Variants in RBBP8 observed in about 807,000 individuals in gnomAD.
RBBP8 encodes the protein DNA endonuclease RBBP8.
Under a neutral mutation model 108.3 loss-of-function variants are expected in RBBP8, and 88 were observed. The ratio of observed to expected loss-of-function variants is 0.81; its 90% CI spans 0.68 to 0.97. The LOEUF (loss-of-function observed/expected upper bound fraction) is 0.97, where lower values mean the gene tolerates loss of function less well. Among genes scored for constraint, RBBP8 ranks in the 50% least tolerant of loss-of-function variants. The probability of loss-of-function intolerance (pLI) is 0.00; values close to 1 mark genes in which losing one functional copy is unlikely to be tolerated. For synonymous variants in RBBP8, 332 were observed against 348.2 expected, an observed-to-expected ratio of 0.95 and a Z score of 0.52; for missense variants, 1,023 against 1,049.0, an observed-to-expected ratio of 0.98 and a Z score of 0.34.
rs879906612 is a variant in RBBP8 at position 23,013,070 on chromosome 18, G to GA, written c.2358-3746dup. Reference sequence around the variant, plus strand: ...CTAAATATTTTAAGCCTATTGATCAGAAAAAAAAAAAAGATATCCTTTCAA... The same window carrying GA: ...CTAAATATTTTAAGCCTATTGATCAGAAAAAAAAAAAAAGATATCCTTTCAA... On this transcript the variant is annotated intron_variant, in intron 16 of 18. Coordinates refer to ENST00000327155, the MANE Select transcript of RBBP8 (RefSeq NM_002894.3). 4.5e-3 allele frequency among the ~76,000 whole-genome samples: 619 copies of GA among 138,734 alleles called. 5 individuals carry two copies. The highest frequency in any genetic ancestry group is 9.7e-3 in the South Asian group (43 of 4,416). 91.0% of individuals were successfully genotyped at this position (138,734 alleles called of 152,430 possible).
chr18:22,929,744 C>G (rs370108885), upstream of RBBP8, among the ~76,000 whole-genome samples: 1 of 151,968 alleles, frequency 6.6e-6, no homozygotes, highest in East Asian at 1.9e-4. Flanking sequence ...AAGAAAAAAG[C>G]AAGTTTAGGA....
At chr18:23,022,924 G>A (rs2046397162) in intron 18 of RBBP8, among the ~76,000 whole-genome samples, 1 of 150,560 alleles carries the variant, frequency 6.6e-6, no homozygotes, top group South Asian at 2.1e-4. Context: ...TTTTTTATAG[G>A]GCTTCACTCT....
chr18:22,954,153 G>T (rs926852423), intron 4 of RBBP8, among the ~76,000 whole-genome samples: 1 of 152,018 alleles, frequency 6.6e-6, no homozygotes, highest in Non-Finnish European at 1.5e-5. Flanking sequence ...TCATGTCCTC[G>T]CATTTCAAGA....
chr18:23,013,095 A>G (rs1180607809), intron 16 of RBBP8, among the ~76,000 whole-genome samples: 1 of 152,252 alleles, frequency 6.6e-6, no homozygotes, highest in African/African-American at 2.4e-5. Context: ...TATCCTTTCA[A>G]AATATTGTAA....
At chr18:22,997,215 A>G (rs56282211) in intron 13 of RBBP8, among the ~76,000 whole-genome samples, 3,491 of 152,328 alleles carry the variant, frequency 0.023, 65 homozygotes, top group Middle Eastern at 0.034. Context: ...TTGGTAGCAT[A>G]TTAATAACAA....
Position 22,984,959 on chromosome 18 carries a change from C to G in RBBP8, c.678C>G (p.Asp226Glu), listed in dbSNP as rs777647830. The change falls in exon 8 of 19, where the codon GAC becomes GAG. Residue 226 changes from aspartate to glutamate, a missense_variant. Asp to Glu is a conservative substitution (Grantham distance 45, BLOSUM62 2). Coordinates refer to ENST00000327155, the MANE Select transcript of RBBP8 (RefSeq NM_002894.3). ...NPNENEILVA[D>E]TYDQSQSPMA... ...ATGAAAATGAAATTCTAGTAGCTGA[C>G]ACTTATGACCAAAGTCAATCTCCAA... 3 of 1,611,526 alleles carry G rather than the reference C, an allele frequency of 1.9e-6. No homozygotes were observed. The South Asian group carries it at 3.3e-5, about 18-fold the overall frequency.
At chr18:22,955,559 A>ACTACATAATTAGGTTTATAACATATAAC (rs1912447955) in intron 4 of RBBP8, among the ~76,000 whole-genome samples, 4 of 151,512 alleles carry the variant, frequency 2.6e-5, no homozygotes, top group Non-Finnish European at 4.4e-5. Context: ...CACATAGTTA[A>ACTACATAATTAGGTTTATAACATATAAC]TACATAATTA....
chr18:22,990,942 T>C lies in RBBP8; in HGVS notation c.813T>C (p.Thr271=), dbSNP rs771008474. 7 of 1,611,688 alleles carry C rather than the reference T, an allele frequency of 4.3e-6. No individual in the cohort carries two copies. The East Asian group carries it at 1.3e-4, about 31-fold the overall frequency. The change falls in exon 10 of 19, where the codon ACT becomes ACC. Residue 271 remains threonine (T), a synonymous_variant. Coordinates refer to ENST00000327155, the MANE Select transcript of RBBP8 (RefSeq NM_002894.3). ...TTCATATTTTACTCTTGAAGGAAAC[T>C]CAAGGTCCCATGAGCCCCCTTGGTG... ...LGLGVQEESE[T]QGPMSPLGDE...
chr18:23,009,025 G>A (rs1013016667), intron 16 of RBBP8, among the ~76,000 whole-genome samples: 3 of 151,894 alleles, frequency 2.0e-5, no homozygotes, highest in Non-Finnish European at 4.4e-5. Flanking sequence ...CACCCGCTTC[G>A]GCCTCCCAAA....
chr18:22,955,707 G>A (rs1159976238), intron 4 of RBBP8, among the ~76,000 whole-genome samples: 1 of 151,668 alleles, frequency 6.6e-6, no homozygotes, highest in African/African-American at 2.4e-5. Context: ...CCTCCCGAGT[G>A]GCTGGGACTA....
rs898337040 is a variant in RBBP8 at position 22,989,240 on chromosome 18, C to T, written c.729C>T (p.Ser243=). 1 of 1,609,086 alleles carries T rather than the reference C, an allele frequency of 6.2e-7. No individual in the cohort carries two copies. The highest frequency in any genetic ancestry group is 1.1e-5 in the South Asian group (1 of 90,958). Reference sequence around the variant, plus strand: ...TCTTAGAAGCACATGGAACAAGCAGCTATACCCCTGATAAGTCATCTTTTA... The same window carrying T: ...TCTTAGAAGCACATGGAACAAGCAGTTATACCCCTGATAAGTCATCTTTTA... ...SPMAKAHGTS[S]YTPDKSSFNL... The change falls in exon 9 of 19, where the codon AGC becomes AGT. Residue 243 remains serine (S), a synonymous_variant. Coordinates refer to ENST00000327155, the MANE Select transcript of RBBP8 (RefSeq NM_002894.3).
At chr18:22,945,600 C>T (rs889816657) in intron 2 of RBBP8, among the ~76,000 whole-genome samples, 18 of 151,992 alleles carry the variant, frequency 1.2e-4, no homozygotes, top group African/African-American at 4.3e-4. Flanking sequence ...TCGGGCTGGT[C>T]TCGGAACTCT....
chr18:22,972,685 A>C (rs1914203328), intron 5 of RBBP8, among the ~76,000 whole-genome samples: 1 of 152,174 alleles, frequency 6.6e-6, no homozygotes, highest in Non-Finnish European at 1.5e-5. Context: ...TAATATCTTA[A>C]TTCTCTTCCG....
intron 2 of RBBP8, among the ~76,000 whole-genome samples, chr18:22,941,575 G>A (rs781708903): frequency 1.6e-4 from 24 of 151,984 alleles, no homozygotes; most frequent in Non-Finnish European, 3.2e-4. Flanking sequence ...TTACAGTGAG[G>A]AAGCATCAAG....
At chr18:22,938,774 A>C (rs1207500629) in intron 2 of RBBP8, among the ~76,000 whole-genome samples, 2 of 152,240 alleles carry the variant, frequency 1.3e-5, no homozygotes, top group Non-Finnish European at 2.9e-5. Context: ...AAAATACTAC[A>C]TAAAGTCATT....
chr18:22,937,063 T>C, intron 2 of RBBP8, 103 bp downstream of exon 2: 2 of 1,543,292 alleles, frequency 1.3e-6, no homozygotes, highest in Non-Finnish European at 1.7e-6. Context: ...ATTTCAGCTT[T>C]TAGGTTCCGG....
At chr18:22,953,845 T>C (rs769236814) in intron 4 of RBBP8, among the ~76,000 whole-genome samples, 1 of 152,084 alleles carries the variant, frequency 6.6e-6, no homozygotes, top group Non-Finnish European at 1.5e-5. Context: ...GACTCACAGT[T>C]CTGCAGAGCT....
At chr18:23,010,066 T>G (rs1438847046) in intron 16 of RBBP8, among the ~76,000 whole-genome samples, 1 of 152,182 alleles carries the variant, frequency 6.6e-6, no homozygotes, top group African/African-American at 2.4e-5. Flanking sequence ...GGCCTGCTTT[T>G]TTTATTTAAC....
At chr18:22,963,707 G>C (rs1267864253) in intron 4 of RBBP8, among the ~76,000 whole-genome samples, 1 of 152,104 alleles carries the variant, frequency 6.6e-6, no homozygotes, top group African/African-American at 2.4e-5. Context: ...TCCTCCAGTA[G>C]ATTTCTGAGA....
Sources: gnomAD v4.1 joint callset for allele counts (sites outside exome capture counted in the v4.1 genomes callset) on GRCh38, gnomAD v4.1.1 for gene constraint, MANE v1.5 for transcripts, NCBI Gene and HGNC (gene_info 2026-07-23, HGNC 2026-07-21) for gene names.